The following CSMD1 variants were observed in gnomAD, a reference collection of about 807,000 sequenced individuals.
CSMD1 encodes the protein CUB and sushi domain-containing protein 1.
A neutral mutation model predicts 417.5 loss-of-function variants in CSMD1; 213 were observed. The observed-to-expected ratio is 0.51, with a 90% confidence interval of 0.46 to 0.57. The LOEUF is 0.57. CSMD1 is among the 20% of genes least tolerant of loss of function. The pLI, the probability that CSMD1 is intolerant of heterozygous loss-of-function variation, is 0.00. For missense variants in CSMD1, 6,923 were observed against 4,529.7 expected (o/e 1.53, Z -15.17); for synonymous variants, 2,862 against 1,736.8 (o/e 1.65, Z -16.11).
chr8:3,391,460 A>C (rs745893712), intron 17 of CSMD1, among the ~76,000 whole-genome samples: 47 of 152,376 alleles, frequency 3.1e-4, no homozygotes, highest in Non-Finnish European at 4.1e-4. Context: ...TTTAAAGATC[A>C]ACATACAAAG....
chr8:4,599,459 CAG>C (rs1425049831), intron 2 of CSMD1, among the ~76,000 whole-genome samples: 1 of 150,710 alleles, frequency 6.6e-6, no homozygotes, highest in Non-Finnish European at 1.5e-5. Context: ...TAAGAGAAGA[CAG>C]AGTGGAAGCT....
chr8:3,643,163 T>C (rs985858362), intron 7 of CSMD1, among the ~76,000 whole-genome samples: 1 of 151,786 alleles, frequency 6.6e-6, no homozygotes, highest in African/African-American at 2.4e-5. Flanking sequence ...ATATTATAAG[T>C]GAGAGCCACA....
chr8:4,413,968 A>G (rs1796790567), intron 3 of CSMD1, among the ~76,000 whole-genome samples: 1 of 152,170 alleles, frequency 6.6e-6, no homozygotes, highest in African/African-American at 2.4e-5. Flanking sequence ...ATTGTTATAA[A>G]TCTACAACAA....
At position 3,065,015 on chromosome 8, in the gene CSMD1, T is replaced by G. The variant is rs1028567128; in HGVS notation, c.7475-12368A>C. Among the ~76,000 whole-genome samples, 5 of 152,124 alleles carry G rather than the reference T, an allele frequency of 3.3e-5. No homozygotes were observed. In the East Asian group the frequency reaches 9.6e-4, roughly 29 times the overall value. ...ATGGCTGGAGGAGTTTGCCCATGCT[T>G]CCTTCTCCAGTGGGTCAGGCTAACT... On this transcript the variant is annotated intron_variant, in intron 49 of 69. Coordinates refer to ENST00000635120, the MANE Select transcript of CSMD1 (RefSeq NM_033225.6).
chr8:4,292,164 G>C (rs371538986), intron 3 of CSMD1, among the ~76,000 whole-genome samples: 21 of 152,250 alleles, frequency 1.4e-4, no homozygotes, highest in Middle Eastern at 3.4e-3. Context: ...GGTGAGCCCG[G>C]TCATAGATTT....
intron 5 of CSMD1, among the ~76,000 whole-genome samples, chr8:3,880,757 C>T (rs945221941): frequency 6.6e-6 from 1 of 152,122 alleles, no homozygotes; most frequent in African/African-American, 2.4e-5. Flanking sequence ...CAGCTATTAT[C>T]CAAAATTTGT....
At chr8:4,287,234 G>C (rs187089059) in intron 3 of CSMD1, among the ~76,000 whole-genome samples, 1 of 152,010 alleles carries the variant, frequency 6.6e-6, no homozygotes, top group Non-Finnish European at 1.5e-5. Flanking sequence ...CTATTTCCTG[G>C]CAAGTTCTAA....
intron 3 of CSMD1, among the ~76,000 whole-genome samples, chr8:4,274,067 T>C (rs753175699): frequency 4.6e-5 from 7 of 152,232 alleles, no homozygotes; most frequent in Non-Finnish European, 8.8e-5. Flanking sequence ...ACTGTGACTT[T>C]ATTGTAATAT....
chr8:4,842,774 TA>T (rs1206821952), intron 1 of CSMD1, among the ~76,000 whole-genome samples: 1 of 152,242 alleles, frequency 6.6e-6, no homozygotes, highest in African/African-American at 2.4e-5. Flanking sequence ...CAGAAATTAA[TA>T]GTCACATTAC....
intron 11 of CSMD1, among the ~76,000 whole-genome samples, chr8:3,492,112 G>C (rs908725399): frequency 6.6e-6 from 1 of 152,224 alleles, no homozygotes. Context: ...GCAAAGGCGT[G>C]TGTCTGAACT....
chr8:4,904,278 A>T (rs941254124), intron 1 of CSMD1, among the ~76,000 whole-genome samples: 1 of 152,250 alleles, frequency 6.6e-6, no homozygotes, highest in African/African-American at 2.4e-5. Flanking sequence ...TTTTAGGAAC[A>T]ATGAAAGTAC....
chr8:3,287,401 C>T (rs1469345900), intron 25 of CSMD1, among the ~76,000 whole-genome samples: 2 of 152,192 alleles, frequency 1.3e-5, no homozygotes, highest in Non-Finnish European at 1.5e-5. Context: ...GCAGTATGGC[C>T]ATTTTCACAA....
chr8:4,326,032 T>C (rs1376626436), intron 3 of CSMD1, among the ~76,000 whole-genome samples: 1 of 152,134 alleles, frequency 6.6e-6, no homozygotes, highest in Non-Finnish European at 1.5e-5. Context: ...TTTAAAGCAA[T>C]ATTTGTTGAC....
intron 30 of CSMD1, among the ~76,000 whole-genome samples, chr8:3,206,971 G>A (rs1435818472): frequency 2.6e-5 from 4 of 152,068 alleles, no homozygotes; most frequent in African/African-American, 9.6e-5. Flanking sequence ...ACCAGCGTGG[G>A]AGCCACTCAG....
intron 25 of CSMD1, among the ~76,000 whole-genome samples, chr8:3,298,727 T>G (rs1397324284): frequency 6.6e-6 from 1 of 152,252 alleles, no homozygotes; most frequent in Non-Finnish European, 1.5e-5. Context: ...GTGCTAGGAT[T>G]ACAGGCGTAA....
At chr8:3,125,182 C>T (rs1474674905) in intron 41 of CSMD1, among the ~76,000 whole-genome samples, 1 of 152,142 alleles carries the variant, frequency 6.6e-6, no homozygotes, top group African/African-American at 2.4e-5. Flanking sequence ...GAAGATAATT[C>T]CTGAGTATGC....
At chr8:4,471,580 G>A (rs1361842250) in intron 2 of CSMD1, among the ~76,000 whole-genome samples, 3 of 152,090 alleles carry the variant, frequency 2.0e-5, no homozygotes, top group South Asian at 2.1e-4. Context: ...GCCCGTTTTA[G>A]AGAGAGGTGC....
intron 10 of CSMD1, among the ~76,000 whole-genome samples, chr8:3,541,146 C>A (rs776991288): frequency 1.3e-5 from 2 of 152,260 alleles, no homozygotes; most frequent in Non-Finnish European, 2.9e-5. Context: ...CCATCAATGA[C>A]AGACTGGATA....
At chr8:4,452,268 C>A (rs903271840) in intron 2 of CSMD1, among the ~76,000 whole-genome samples, 4 of 152,130 alleles carry the variant, frequency 2.6e-5, no homozygotes, top group Non-Finnish European at 5.9e-5. Flanking sequence ...TCCTCCTTGT[C>A]AAAGGAGGAT....
Sources: allele counts gnomAD v4.1 joint callset (sites outside exome capture counted in the v4.1 genomes callset), GRCh38; gene constraint gnomAD v4.1.1; transcripts MANE v1.5; gene names NCBI Gene and HGNC (gene_info 2026-07-23, HGNC 2026-07-21).